EYA3: variants seen among roughly 807,000 people sequenced by gnomAD.
EYA3 encodes EYA transcriptional coactivator and phosphatase 3, also known as protein phosphatase EYA3.
EYA3 carries 39 observed loss-of-function variants against 80.0 expected under a neutral mutation model. That is an observed-to-expected ratio of 0.49 (90% CI 0.38 to 0.64). EYA3 has a LOEUF of 0.64. Among genes scored for constraint, EYA3 ranks in the 30% least tolerant of loss-of-function variants. The pLI, the probability that EYA3 is intolerant of heterozygous loss-of-function variation, is 0.00. For synonymous variants in EYA3, 206 were observed against 232.8 expected, an observed-to-expected ratio of 0.88 and a Z score of 1.05; for missense variants, 523 against 676.1, an observed-to-expected ratio of 0.77 and a Z score of 2.51.
chr1:28,010,009 T>C (rs1008281222), intron 10 of EYA3, among the ~76,000 whole-genome samples: 10 of 152,132 alleles, frequency 6.6e-5, no homozygotes, highest in African/African-American at 2.4e-4. Context: ...AAGAAATATA[T>C]CAGAAATTTA....
intron 17 of EYA3, chr1:27,977,108 T>C: frequency 1.0e-6 from 1 of 985,356 alleles, no homozygotes; most frequent in East Asian, 1.1e-4. Flanking sequence ...CATACCCTTC[T>C]TCAGACCAGG....
At chr1:27,989,910 T>C (rs771170640) in intron 14 of EYA3, 99 bp from the exon 15 acceptor site, 2 of 596,038 alleles carry the variant, frequency 3.4e-6, no homozygotes, top group African/African-American at 3.8e-5. Context: ...TGTGAGTCAC[T>C]GAAATATTCT....
chr1:28,049,461 G>A (rs1361157862), intron 2 of EYA3, among the ~76,000 whole-genome samples: 2 of 151,984 alleles, frequency 1.3e-5, no homozygotes, highest in Non-Finnish European at 1.5e-5. Context: ...AGCATTTGAA[G>A]CAAAAACAAA....
chr1:27,984,269 G>A (rs1639502866), intron 16 of EYA3, among the ~76,000 whole-genome samples: 1 of 152,034 alleles, frequency 6.6e-6, no homozygotes, highest in South Asian at 2.1e-4. Context: ...TGAACTCCTG[G>A]CCTCAAGTGA....
At chr1:28,051,486 G>A (rs370778712) in intron 2 of EYA3, among the ~76,000 whole-genome samples, 23 of 152,100 alleles carry the variant, frequency 1.5e-4, no homozygotes, top group African/African-American at 5.3e-4. Flanking sequence ...TCAGGAGTCC[G>A]AGACCAGGCT....
intron 1 of EYA3, among the ~76,000 whole-genome samples, chr1:28,065,540 T>C (rs1196137848): frequency 3.3e-5 from 5 of 150,620 alleles, no homozygotes; most frequent in Non-Finnish European, 7.4e-5. Flanking sequence ...GGATTACAGG[T>C]GTGAGCCACA....
chr1:28,067,240 T>G (rs558521), intron 1 of EYA3, among the ~76,000 whole-genome samples: 4,472 of 152,266 alleles, frequency 0.029, 182 homozygotes, highest in African/African-American at 0.092. Flanking sequence ...TAGTATAAGT[T>G]TGTTGTCTAC....
At chr1:27,997,236 T>C in intron 13 of EYA3, 84 bp downstream of exon 13, 2 of 1,242,372 alleles carry the variant, frequency 1.6e-6, no homozygotes, top group Non-Finnish European at 2.4e-6. Context: ...ATATTCTATT[T>C]ATCTTTGTTT....
At position 28,042,664 on chromosome 1, in the gene EYA3, A is replaced by C; in HGVS notation, c.78-14T>G. The stretch of plus-strand genomic sequence containing the variant: ...TTGCTTACTTGACTGGGAGAACCAA[A>C]ATGAATACATTAGCCCCTGATTGAT... On this transcript the variant is annotated splice_polypyrimidine_tract_variant and intron_variant, in intron 3 of 17. Coordinates refer to ENST00000373871, the MANE Select transcript of EYA3 (RefSeq NM_001990.4). 6.2e-7 allele frequency: 1 copy of C among 1,608,066 alleles called. No individual in the cohort carries two copies. Among genetic ancestry groups the C allele is most frequent in the Non-Finnish European group, 8.5e-7 (1 of 1,174,390 alleles).
chr1:27,996,953 C>T (rs61789700), intron 13 of EYA3, among the ~76,000 whole-genome samples: 1 of 152,182 alleles, frequency 6.6e-6, no homozygotes, highest in African/African-American at 2.4e-5. Context: ...AACTCCAAGA[C>T]TCAAGTGATC....
At position 28,002,103 on chromosome 1, in the gene EYA3, C is replaced by T. The variant is rs1042927273; in HGVS notation, c.994-2054G>A. Among the ~76,000 whole-genome samples, 65 of 151,666 alleles carry T rather than the reference C, an allele frequency of 4.3e-4. 1 individual carries two copies. Among genetic ancestry groups the T allele is most frequent in the African/African-American group, 1.4e-3 (56 of 41,340 alleles). ...GCTAATTTTGTATTTTTAGTAGAGACGGGGTTTCTCCATGTTGGTCAGGCT... is the reference window on the plus strand; with the variant it reads ...GCTAATTTTGTATTTTTAGTAGAGATGGGGTTTCTCCATGTTGGTCAGGCT... On this transcript the variant is annotated intron_variant, in intron 11 of 17. Coordinates refer to ENST00000373871, the MANE Select transcript of EYA3 (RefSeq NM_001990.4).
Position 28,037,740 on chromosome 1 carries a change from T to C in EYA3, c.224+1099A>G, listed in dbSNP as rs182950580. On this transcript the variant is annotated intron_variant, in intron 5 of 17. Transcript: ENST00000373871. ...AATTAGAAGAACTCATTGGGTTGACTTTTTAATTAGTTTATTTTTTAATTA... is the reference window on the plus strand; with the variant it reads ...AATTAGAAGAACTCATTGGGTTGACCTTTTAATTAGTTTATTTTTTAATTA... 9.8e-5 allele frequency among the ~76,000 whole-genome samples: 15 copies of C among 152,360 alleles called. No homozygotes were observed. In the East Asian group the frequency reaches 2.9e-3, roughly 29 times the overall value.
At chr1:28,069,842 A>C (rs548478009) in intron 1 of EYA3, among the ~76,000 whole-genome samples, 1 of 152,364 alleles carries the variant, frequency 6.6e-6, no homozygotes, top group South Asian at 2.1e-4. Context: ...CATAGGCCCT[A>C]AACGCCATCA....
chr1:28,065,187 G>A (rs893922213), intron 1 of EYA3, among the ~76,000 whole-genome samples: 5 of 152,212 alleles, frequency 3.3e-5, no homozygotes, highest in African/African-American at 1.2e-4. Flanking sequence ...GCCAAAACCT[G>A]GAGTTTGAGG....
chr1:27,998,809 C>G (rs2148751555), intron 12 of EYA3, among the ~76,000 whole-genome samples: 2 of 152,278 alleles, frequency 1.3e-5, no homozygotes, highest in East Asian at 3.9e-4. Context: ...CTCTCTGCTG[C>G]CCAGGCTGGA....
chr1:28,046,367 C>A (rs1644005794), intron 3 of EYA3, among the ~76,000 whole-genome samples: 1 of 152,030 alleles, frequency 6.6e-6, no homozygotes. Flanking sequence ...TCGATAAGAG[C>A]AAGGGAATTT....
chr1:28,083,953 A>G (rs1387195860), intron 1 of EYA3, among the ~76,000 whole-genome samples: 1 of 152,220 alleles, frequency 6.6e-6, no homozygotes, highest in African/African-American at 2.4e-5. Flanking sequence ...AGTATTGCTA[A>G]TTATTTTCTA....
intron 16 of EYA3, among the ~76,000 whole-genome samples, chr1:27,982,855 G>A (rs1299044197): frequency 6.6e-6 from 1 of 152,094 alleles, no homozygotes; most frequent in Non-Finnish European, 1.5e-5. Flanking sequence ...GTGAGCCACC[G>A]CGCTTGGCCT....
At chr1:28,076,452 T>C (rs1197361999) in intron 1 of EYA3, among the ~76,000 whole-genome samples, 2 of 152,002 alleles carry the variant, frequency 1.3e-5, no homozygotes, top group African/African-American at 2.4e-5. Context: ...GGCTCACACC[T>C]GTAATCCCAG....
Sources: allele counts gnomAD v4.1 joint callset (sites outside exome capture counted in the v4.1 genomes callset), GRCh38; gene constraint gnomAD v4.1.1; transcripts MANE v1.5; gene names NCBI Gene and HGNC (gene_info 2026-07-23, HGNC 2026-07-21).